The following TLE4 variants were observed in gnomAD, a reference collection of about 807,000 sequenced individuals.
TLE4 encodes the protein TLE family member 4, transcriptional corepressor, also known as transducin-like enhancer protein 4.
In TLE4, 8 loss-of-function variants were observed where a neutral mutation model predicts 92.8. The ratio of observed to expected loss-of-function variants is 0.09; its 90% confidence interval spans 0.05 to 0.16. The LOEUF is 0.16. Among genes scored for constraint, TLE4 ranks in the 10% least tolerant of loss-of-function variants. TLE4 has a pLI of 1.00. For synonymous variants in TLE4, 371 were observed against 374.1 expected, an observed-to-expected ratio of 0.99 and a Z score of 0.10; for missense variants, 675 against 997.6, an observed-to-expected ratio of 0.68 and a Z score of 4.36.
intron 8 of TLE4, among the ~76,000 whole-genome samples, chr9:79,690,428 G>C (rs2066804832): frequency 6.6e-6 from 1 of 152,102 alleles, no homozygotes; most frequent in African/African-American, 2.4e-5. Flanking sequence ...TTTAACATCT[G>C]TCTTAAGTAC....
rs189187444 is a variant in TLE4 at position 79,606,497 on chromosome 9, G to A, written c.253-6159G>A. Reference sequence around the variant, plus strand: ...AGCCATCAACTCGTCATTTACATTAGGTATTTCTCCTAATGCTATCCCTCC... The same window carrying A: ...AGCCATCAACTCGTCATTTACATTAAGTATTTCTCCTAATGCTATCCCTCC... On this transcript the variant is annotated intron_variant, in intron 4 of 19. Coordinates refer to ENST00000376552, the MANE Select transcript of TLE4 (RefSeq NM_007005.6). 1.5e-3 allele frequency among the ~76,000 whole-genome samples: 231 copies of A among 151,478 alleles called. 4 individuals are homozygous for A. Among genetic ancestry groups the A allele is most frequent in the East Asian group, 2.7e-3 (14 of 5,112 alleles).
At chr9:79,588,132 T>TTGAG (rs1293431739) in intron 4 of TLE4, among the ~76,000 whole-genome samples, 1 of 91,802 alleles carries the variant, frequency 1.1e-5, no homozygotes, top group African/African-American at 6.5e-5. Context: ...TTGTTTATCC[T>TTGAG]TGCGTGTGTG....
intron 8 of TLE4, among the ~76,000 whole-genome samples, chr9:79,678,876 G>GT (rs1038676314): frequency 7.2e-5 from 11 of 151,902 alleles, no homozygotes; most frequent in African/African-American, 1.9e-4. Flanking sequence ...GCGGTGTTTG[G>GT]TTTTTTCTCC....
At chr9:79,635,347 A>AT (rs2055458651) in intron 6 of TLE4, among the ~76,000 whole-genome samples, 1 of 148,656 alleles carries the variant, frequency 6.7e-6, no homozygotes, top group South Asian at 2.1e-4. Flanking sequence ...AATTTTCTGG[A>AT]TTTTTTTGTG....
intron 8 of TLE4, among the ~76,000 whole-genome samples, chr9:79,690,754 T>C (rs924982066): frequency 6.7e-6 from 1 of 148,382 alleles, no homozygotes; most frequent in Non-Finnish European, 1.5e-5. Flanking sequence ...TAGTTGGGAC[T>C]ATAGGAATGT....
intron 11 of TLE4, 89 bp from the exon 12 acceptor site, chr9:79,708,029 C>T (rs1416412957): frequency 1.5e-6 from 2 of 1,368,948 alleles, no homozygotes; most frequent in African/African-American, 2.9e-5. Flanking sequence ...ATTTCTTTTC[C>T]TCCTTTCCTT....
intron 8 of TLE4, among the ~76,000 whole-genome samples, chr9:79,704,323 C>G (rs560195421): frequency 7.2e-5 from 11 of 152,200 alleles, no homozygotes; most frequent in African/African-American, 2.4e-4. Flanking sequence ...CCATGTTGGC[C>G]AGGATGGTCT....
chr9:79,725,220 C>A lies in TLE4; in HGVS notation c.*76C>A. 2 of 1,042,636 alleles carry A rather than the reference C, an allele frequency of 1.9e-6. No homozygotes were observed. Among genetic ancestry groups the A allele is most frequent in the Non-Finnish European group, 1.5e-6 (1 of 683,124 alleles). 64.6% of individuals were successfully genotyped at this position (1,042,636 alleles called of 1,614,324 possible). The stretch of plus-strand genomic sequence containing the variant: ...TGTCATCCTTTTTGTTCACCCCCAT[C>A]CCCGCATCTAAAACCAAGGATTTCA... On this transcript the variant is annotated 3_prime_UTR_variant, in exon 20 of 20. Transcript: ENST00000376552.
chr9:79,615,754 C>G (rs1178620085), intron 5 of TLE4, among the ~76,000 whole-genome samples: 1 of 152,084 alleles, frequency 6.6e-6, no homozygotes, highest in South Asian at 2.1e-4. Context: ...TGAAGTGTGT[C>G]TGTATATGAA....
intron 14 of TLE4, among the ~76,000 whole-genome samples, chr9:79,712,174 T>A (rs184475363): frequency 6.6e-6 from 1 of 152,344 alleles, no homozygotes; most frequent in East Asian, 1.9e-4. Flanking sequence ...ATTATTTCCC[T>A]TTCAGCTTTG....
At chr9:79,709,810 AT>A in intron 14 of TLE4, 111 bp downstream of exon 14, 3 of 785,482 alleles carry the variant, frequency 3.8e-6, no homozygotes, top group Non-Finnish European at 4.0e-6. Flanking sequence ...CATGACTTGT[AT>A]TTTTTTACCT....
Position 79,652,630 on chromosome 9 carries a change from G to T in TLE4, c.428G>T (p.Gly143Val), listed in dbSNP as rs764333770. The T allele has an allele frequency of 1.2e-6, 2 of 1,614,102 alleles. No homozygotes were observed. Among genetic ancestry groups the T allele is most frequent in the South Asian group, 2.2e-5 (2 of 91,070 alleles). The change falls in exon 7 of 20, where the codon GGT (glycine) becomes GTT (valine). Residue 143 changes from glycine to valine, a missense_variant. This residue lies in a region of TLE4 where 280 missense variants were observed against 287.3 expected (regional missense o/e 0.97). Coordinates refer to ENST00000376552, the MANE Select transcript of TLE4 (RefSeq NM_007005.6). ...GCCCAGCATTTATCACATGGACATG[G>T]TCTCCCCGTACCTCTGACTCCACAC... Reference protein sequence around the residue: ...LQAQHLSHGHGLPVPLTPHPS... With the variant: ...LQAQHLSHGHVLPVPLTPHPS...
intron 8 of TLE4, among the ~76,000 whole-genome samples, chr9:79,654,876 G>T (rs116544182): frequency 0.019 from 2,845 of 152,276 alleles, 96 homozygotes; most frequent in African/African-American, 0.062. Context: ...GGGCTTGGTG[G>T]TTCATGCCTG....
chr9:79,609,560 A>C (rs1564358365), intron 4 of TLE4, among the ~76,000 whole-genome samples: 1 of 152,098 alleles, frequency 6.6e-6, no homozygotes, highest in Admixed American at 6.6e-5. Context: ...GGAAGATAGA[A>C]TGGAATTGTC....
At chr9:79,641,106 G>T (rs1038504038) in intron 6 of TLE4, among the ~76,000 whole-genome samples, 4 of 141,090 alleles carry the variant, frequency 2.8e-5, no homozygotes, top group African/African-American at 5.3e-5. Context: ...ATCATAAAAA[G>T]AACTTTAAAA....
At chr9:79,722,878 A>G in intron 18 of TLE4, 81 bp from the exon 19 acceptor site, 1 of 1,280,628 alleles carries the variant, frequency 7.8e-7, no homozygotes, top group Non-Finnish European at 1.1e-6. Context: ...TTCTGTTAAT[A>G]GTTTGGTGTT....
At chr9:79,700,697 C>G (rs1410414882) in intron 8 of TLE4, among the ~76,000 whole-genome samples, 1 of 152,200 alleles carries the variant, frequency 6.6e-6, no homozygotes, top group Non-Finnish European at 1.5e-5. Flanking sequence ...CAGATCTACC[C>G]TGTTCTTTTT....
intron 5 of TLE4, among the ~76,000 whole-genome samples, chr9:79,617,532 T>G (rs539159797): frequency 6.6e-6 from 1 of 152,272 alleles, no homozygotes; most frequent in South Asian, 2.1e-4. Context: ...CAGTTGTATT[T>G]TTCAGAAACT....
chr9:79,592,641 GAATTTGTAAATTCA>G (rs1321618514), intron 4 of TLE4, among the ~76,000 whole-genome samples: 1 of 152,026 alleles, frequency 6.6e-6, no homozygotes, highest in African/African-American at 2.4e-5. Context: ...AGACATAGTG[GAATTTGTAAATTCA>G]ATTGATTTTT....
Sources: gnomAD v4.1 joint callset for allele counts (sites outside exome capture counted in the v4.1 genomes callset) on GRCh38, gnomAD v4.1.1 for gene constraint, gnomAD v4.1.1 regional missense constraint, MANE v1.5 for transcripts, NCBI Gene and HGNC (gene_info 2026-07-23, HGNC 2026-07-21) for gene names.